PRKCE: variants seen among roughly 807,000 people sequenced by gnomAD.
PRKCE encodes protein kinase C epsilon type.
A neutral mutation model predicts 85.4 loss-of-function variants in PRKCE; 16 were observed. That is an observed-to-expected ratio of 0.19 (90% CI 0.13 to 0.28). The LOEUF (loss-of-function observed/expected upper bound fraction) is 0.28, where lower values mean the gene tolerates loss of function less well. Ranked by LOEUF, PRKCE falls within the 10% of genes least tolerant of loss-of-function variation. The pLI is 1.00. For missense variants in PRKCE, 573 were observed against 975.2 expected (o/e 0.59, Z 5.49); for synonymous variants, 388 against 371.5 (o/e 1.04, Z -0.51).
At chr2:45,793,367 C>G (rs945084265) in intron 1 of PRKCE, among the ~76,000 whole-genome samples, 2 of 152,132 alleles carry the variant, frequency 1.3e-5, no homozygotes, top group Non-Finnish European at 2.9e-5. Context: ...TGGTTAGACA[C>G]TTCGGGGGAG....
At chr2:46,080,245 T>A (rs1279116385) in intron 10 of PRKCE, among the ~76,000 whole-genome samples, 1 of 152,170 alleles carries the variant, frequency 6.6e-6, no homozygotes, top group Admixed American at 6.5e-5. Flanking sequence ...TTCTCAAATG[T>A]GTTAGATTTG....
At chr2:46,057,092 T>A (rs1666657215) in intron 10 of PRKCE, among the ~76,000 whole-genome samples, 2 of 152,194 alleles carry the variant, frequency 1.3e-5, no homozygotes, top group Non-Finnish European at 2.9e-5. Flanking sequence ...TCTCTGTGTA[T>A]GGCCTGACTC....
intron 1 of PRKCE, among the ~76,000 whole-genome samples, chr2:45,744,156 C>T (rs1010545346): frequency 1.3e-5 from 2 of 152,156 alleles, no homozygotes; most frequent in Non-Finnish European, 2.9e-5. Flanking sequence ...GGAATAATAA[C>T]ACCAACCCTG....
intron 2 of PRKCE, among the ~76,000 whole-genome samples, chr2:45,955,923 C>T (rs1700946240): frequency 6.6e-6 from 1 of 152,170 alleles, no homozygotes; most frequent in African/African-American, 2.4e-5. Flanking sequence ...ATAGTTCCAT[C>T]ACCTCCCAAA....
chr2:46,070,050 T>G (rs149811774), intron 10 of PRKCE, among the ~76,000 whole-genome samples: 1 of 152,320 alleles, frequency 6.6e-6, no homozygotes, highest in African/African-American at 2.4e-5. Context: ...TCAGAGGACC[T>G]CTTCTCTCTT....
chr2:45,743,355 G>T (rs117470321), intron 1 of PRKCE, among the ~76,000 whole-genome samples: 1 of 151,932 alleles, frequency 6.6e-6, no homozygotes, highest in African/African-American at 2.4e-5. Flanking sequence ...TCAAAACATC[G>T]CGGTGTACAC....
intron 1 of PRKCE, among the ~76,000 whole-genome samples, chr2:45,764,016 A>G (rs1393407269): frequency 6.6e-6 from 1 of 152,202 alleles, no homozygotes; most frequent in South Asian, 2.1e-4. Context: ...TTTAGTATCA[A>G]CCACAGAATC....
intron 1 of PRKCE, among the ~76,000 whole-genome samples, chr2:45,808,616 C>T (rs982578186): frequency 6.6e-6 from 1 of 152,174 alleles, no homozygotes; most frequent in Non-Finnish European, 1.5e-5. Context: ...AGGATCGGAG[C>T]CCCCTACCGT....
chr2:45,711,339 G>C (rs543804738), intron 1 of PRKCE, among the ~76,000 whole-genome samples: 1 of 152,304 alleles, frequency 6.6e-6, no homozygotes, highest in East Asian at 1.9e-4. Flanking sequence ...TCATGACCAA[G>C]AGCGAGGACT....
chr2:46,022,850 G>A (rs1296004094), intron 10 of PRKCE, among the ~76,000 whole-genome samples: 5 of 152,166 alleles, frequency 3.3e-5, no homozygotes, highest in Middle Eastern at 3.4e-3. Flanking sequence ...TTGGGAGGCC[G>A]AGGCGGGTGG....
intron 1 of PRKCE, among the ~76,000 whole-genome samples, chr2:45,810,104 G>C (rs1049658259): frequency 2.6e-5 from 4 of 151,506 alleles, no homozygotes; most frequent in East Asian, 2.0e-4. Context: ...GCAATGGTGC[G>C]ATCTCAGCTC....
chr2:45,918,032 C>A (rs758800712), intron 2 of PRKCE, among the ~76,000 whole-genome samples: 6 of 152,242 alleles, frequency 3.9e-5, no homozygotes, highest in Non-Finnish European at 8.8e-5. Context: ...CCGCGCGCAG[C>A]CCCGGTTCCC....
At chr2:45,887,936 A>G (rs1030515395) in intron 2 of PRKCE, among the ~76,000 whole-genome samples, 1 of 152,234 alleles carries the variant, frequency 6.6e-6, no homozygotes, top group African/African-American at 2.4e-5. Flanking sequence ...AGTTGGCTTT[A>G]GCTTCCCATC....
chr2:45,805,732 G>A (rs1688194708), intron 1 of PRKCE, among the ~76,000 whole-genome samples: 1 of 152,038 alleles, frequency 6.6e-6, no homozygotes, highest in Non-Finnish European at 1.5e-5. Flanking sequence ...AAGTAGCTGG[G>A]ATTACAGGCA....
intron 1 of PRKCE, among the ~76,000 whole-genome samples, chr2:45,656,093 T>C (rs971850325): frequency 6.6e-6 from 1 of 152,036 alleles, no homozygotes; most frequent in Non-Finnish European, 1.5e-5. Flanking sequence ...CAGGACAAGG[T>C]TTCCCAAATT....
chr2:45,669,731 C>T (rs899974554), intron 1 of PRKCE, among the ~76,000 whole-genome samples: 4 of 152,152 alleles, frequency 2.6e-5, no homozygotes, highest in Non-Finnish European at 5.9e-5. Flanking sequence ...TGTATATCGG[C>T]CGGGCATGGT....
At chr2:45,893,174 T>G (rs80260712) in intron 2 of PRKCE, among the ~76,000 whole-genome samples, 2 of 151,972 alleles carry the variant, frequency 1.3e-5, no homozygotes, top group Non-Finnish European at 2.9e-5. Flanking sequence ...GTTGAGTAGT[T>G]TGGTGGAAAG....
chr2:45,887,238 G>A (rs916831143), intron 2 of PRKCE, among the ~76,000 whole-genome samples: 1 of 152,078 alleles, frequency 6.6e-6, no homozygotes, highest in Admixed American at 6.5e-5. Context: ...CAGCATTTTG[G>A]CCACAGTCAA....
chr2:46,086,348 T>G lies in PRKCE; in HGVS notation c.1578T>G (p.His526Gln). Residue 526 changes from histidine to glutamine, a missense_variant, in exon 11 of 15, where the codon CAT becomes CAG. His to Gln is a conservative substitution (Grantham distance 24). This residue lies in a region of PRKCE where 89 missense variants were observed against 154.1 expected (regional missense o/e 0.58). Coordinates refer to ENST00000306156, the MANE Select transcript of PRKCE (RefSeq NM_005400.3). The part of the protein sequence containing the change: ...VTSALMFLHQ[H>Q]GVIYRDLKLD... ...CGGCCCTCATGTTCCTCCACCAGCATGGAGTCATCTACAGGTAGCCTCTTC... is the reference window on the plus strand; with the variant it reads ...CGGCCCTCATGTTCCTCCACCAGCAGGGAGTCATCTACAGGTAGCCTCTTC... 1 of 1,599,458 alleles carries G rather than the reference T, an allele frequency of 6.3e-7. No homozygotes were observed. The highest frequency in any genetic ancestry group is 1.1e-5 in the South Asian group (1 of 91,052).
Sources: gnomAD v4.1 joint callset for allele counts (sites outside exome capture counted in the v4.1 genomes callset) on GRCh38, gnomAD v4.1.1 for gene constraint, gnomAD v4.1.1 regional missense constraint, MANE v1.5 for transcripts, NCBI Gene and HGNC (gene_info 2026-07-23, HGNC 2026-07-21) for gene names.